Variants in CENPW observed in about 807,000 individuals in gnomAD.
CENPW encodes the protein centromere protein W.
In CENPW, 3 loss-of-function variants were observed where a neutral mutation model predicts 11.1. The ratio of observed to expected loss-of-function variants is 0.27; its 90% CI spans 0.12 to 0.70. The LOEUF is 0.70. Ranked by LOEUF, CENPW falls within the 30% of genes least tolerant of loss-of-function variation. The pLI, the probability that CENPW is intolerant of heterozygous loss-of-function variation, is 0.77. For synonymous variants in CENPW, 38 were observed against 42.0 expected, an observed-to-expected ratio of 0.91 and a Z score of 0.37; for missense variants, 100 against 105.6, an observed-to-expected ratio of 0.95 and a Z score of 0.23.
At chr6:126,412,993 C>G in the CENPW span, among the ~76,000 whole-genome samples, 100 of 152,210 alleles carry the variant, frequency 6.6e-4, 1 homozygote, top group African/African-American at 2.3e-3. Flanking sequence ...TATTTCTTCA[C>G]TTGCTGTATA....
chr6:126,396,296 C>G, the CENPW span, among the ~76,000 whole-genome samples: 15 of 152,094 alleles, frequency 9.9e-5, no homozygotes, highest in Non-Finnish European at 2.1e-4. Context: ...ACCCTGCTTT[C>G]CACAGGCAGA....
the CENPW span, among the ~76,000 whole-genome samples, chr6:126,386,782 T>C: frequency 1.3e-5 from 2 of 151,964 alleles, no homozygotes; most frequent in African/African-American, 4.8e-5. Context: ...AGACATGAAC[T>C]TGATACTAGA....
At chr6:126,469,115 C>T in the CENPW span, among the ~76,000 whole-genome samples, 1 of 152,094 alleles carries the variant, frequency 6.6e-6, no homozygotes, top group Admixed American at 6.6e-5. Flanking sequence ...ATCTATGTAT[C>T]TATGTTATAT....
the CENPW span, among the ~76,000 whole-genome samples, chr6:126,357,071 T>C: frequency 1.3e-5 from 2 of 152,218 alleles, no homozygotes; most frequent in Non-Finnish European, 2.9e-5. Flanking sequence ...CTTACAGTTT[T>C]AGATGATACA....
chr6:126,481,380 G>C, the CENPW span, among the ~76,000 whole-genome samples: 11 of 151,970 alleles, frequency 7.2e-5, no homozygotes, highest in Admixed American at 3.3e-4. Flanking sequence ...TGTAGACTGG[G>C]TAATGTATAA....
At chr6:126,451,341 T>G in the CENPW span, among the ~76,000 whole-genome samples, 8 of 150,954 alleles carry the variant, frequency 5.3e-5, no homozygotes, top group East Asian at 7.9e-4. Flanking sequence ...GAATTCAGTA[T>G]ACCAAGAAAA....
chr6:126,372,232 A>G, the CENPW span, among the ~76,000 whole-genome samples: 1 of 152,246 alleles, frequency 6.6e-6, no homozygotes, highest in East Asian at 1.9e-4. Flanking sequence ...CTGGGTAACC[A>G]GAGGAAACCC....
the CENPW span, among the ~76,000 whole-genome samples, chr6:126,392,289 T>G: frequency 1.5e-4 from 23 of 151,864 alleles, no homozygotes; most frequent in Non-Finnish European, 8.8e-5. Context: ...TTGTTTGCAG[T>G]TGGCATATAA....
chr6:126,390,774 C>T, the CENPW span, among the ~76,000 whole-genome samples: 98 of 151,988 alleles, frequency 6.4e-4, no homozygotes, highest in South Asian at 0.016. Flanking sequence ...ACCTCCAGTG[C>T]AATTTATGTT....
the CENPW span, among the ~76,000 whole-genome samples, chr6:126,407,295 TG>T: frequency 5.2e-4 from 79 of 152,348 alleles, no homozygotes; most frequent in African/African-American, 1.7e-3. Flanking sequence ...TAGTATTCCA[TG>T]GTGTATATGT....
the CENPW span, among the ~76,000 whole-genome samples, chr6:126,396,422 A>T: frequency 6.6e-6 from 1 of 152,128 alleles, no homozygotes; most frequent in African/African-American, 2.4e-5. Flanking sequence ...GAATGCTGCT[A>T]GTCCTGAAAC....
chr6:126,348,121 T>C (rs887675516), intron 2 of CENPW, among the ~76,000 whole-genome samples: 11 of 152,020 alleles, frequency 7.2e-5, no homozygotes, highest in African/African-American at 2.7e-4. Context: ...TAACTCCTAA[T>C]TTAGATAACT....
the CENPW span, among the ~76,000 whole-genome samples, chr6:126,423,180 G>T: frequency 6.6e-6 from 1 of 151,740 alleles, no homozygotes; most frequent in Non-Finnish European, 1.5e-5. Flanking sequence ...TAATCTCCAA[G>T]AAGTACATCT....
chr6:126,469,423 C>T, the CENPW span, among the ~76,000 whole-genome samples: 1 of 152,170 alleles, frequency 6.6e-6, no homozygotes, highest in African/African-American at 2.4e-5. Context: ...GTCAGTTAAA[C>T]CTCTTGTTTA....
chr6:126,411,831 G>A, the CENPW span, among the ~76,000 whole-genome samples: 26 of 152,158 alleles, frequency 1.7e-4, no homozygotes, highest in African/African-American at 6.0e-4. Context: ...TTAGGTTTTT[G>A]TTTATCTGGA....
chr6:126,341,006 A>C (rs1003191808), intron 1 of CENPW, among the ~76,000 whole-genome samples: 5 of 152,134 alleles, frequency 3.3e-5, no homozygotes, highest in African/African-American at 1.2e-4. Flanking sequence ...CTCAACTGTT[A>C]ATTCATTTCG....
chr6:126,425,783 G>T, the CENPW span, among the ~76,000 whole-genome samples: 2 of 150,630 alleles, frequency 1.3e-5, no homozygotes, highest in Non-Finnish European at 3.0e-5. Context: ...TAAAAGTTTG[G>T]TTATCAAAGC....
At chr6:126,378,047 A>G in the CENPW span, among the ~76,000 whole-genome samples, 1 of 152,210 alleles carries the variant, frequency 6.6e-6, no homozygotes, top group Non-Finnish European at 1.5e-5. Context: ...TTAAAACTCC[A>G]AATTAGCTAC....
At chr6:126,395,098 TC>T in the CENPW span, among the ~76,000 whole-genome samples, 9 of 152,152 alleles carry the variant, frequency 5.9e-5, no homozygotes, top group Non-Finnish European at 8.8e-5. Context: ...TGGGAAGTTC[TC>T]TGTTATTATC....
Sources: allele counts gnomAD v4.1 joint callset (sites outside exome capture counted in the v4.1 genomes callset), GRCh38; gene constraint gnomAD v4.1.1; transcripts MANE v1.5; gene names NCBI Gene and HGNC (gene_info 2026-07-23, HGNC 2026-07-21).